Variants in TSPAN18 observed in about 807,000 individuals in gnomAD.
TSPAN18 encodes tetraspanin 18.
A neutral mutation model predicts 27.3 loss-of-function variants in TSPAN18; 14 were observed. The observed-to-expected ratio is 0.51, with a 90% CI of 0.34 to 0.80. The LOEUF (loss-of-function observed/expected upper bound fraction) is 0.80, where lower values mean the gene tolerates loss of function less well. TSPAN18 is among the 30% of genes least tolerant of loss of function. The pLI, the probability that TSPAN18 is intolerant of heterozygous loss-of-function variation, is 0.01. For missense variants in TSPAN18, 268 were observed against 323.9 expected, an observed-to-expected ratio of 0.83 and a Z score of 1.32; for synonymous variants, 143 against 136.5, an observed-to-expected ratio of 1.05 and a Z score of -0.33.
At chr11:44,913,478 G>A (rs1207305362) in intron 5 of TSPAN18, among the ~76,000 whole-genome samples, 3 of 152,220 alleles carry the variant, frequency 2.0e-5, no homozygotes, top group Middle Eastern at 3.4e-3. Context: ...TTACCTTTGA[G>A]TATTTCAAGG....
At chr11:44,753,657 C>T (rs1441753373) in intron 1 of TSPAN18, among the ~76,000 whole-genome samples, 1 of 152,202 alleles carries the variant, frequency 6.6e-6, no homozygotes, top group Non-Finnish European at 1.5e-5. Context: ...CTGATCCCAT[C>T]GTCCCAAGCA....
chr11:44,814,227 G>T (rs2135105605), intron 2 of TSPAN18, among the ~76,000 whole-genome samples: 1 of 97,640 alleles, frequency 1.0e-5, no homozygotes, highest in Non-Finnish European at 2.3e-5. Context: ...TCTTCCTGTT[G>T]CAGAATAAGG....
chr11:44,797,371 G>A (rs982515009), intron 2 of TSPAN18, among the ~76,000 whole-genome samples: 1 of 152,184 alleles, frequency 6.6e-6, no homozygotes, highest in African/African-American at 2.4e-5. Context: ...AGGCTGAGAG[G>A]CCAGGTGAGT....
intron 2 of TSPAN18, among the ~76,000 whole-genome samples, chr11:44,817,134 A>G (rs1253348256): frequency 6.6e-6 from 1 of 152,204 alleles, no homozygotes. Flanking sequence ...TGAACACCAC[A>G]AGATCAGCAC....
chr11:44,919,128 C>G (rs768813622), intron 6 of TSPAN18, 86 bp from the exon 7 acceptor site: 10 of 1,114,382 alleles, frequency 9.0e-6, no homozygotes, highest in African/African-American at 4.6e-5. Context: ...TCCCCCAACT[C>G]CCAAGCAGGT....
chr11:44,807,684 T>C (rs187457384), intron 2 of TSPAN18, among the ~76,000 whole-genome samples: 5 of 152,106 alleles, frequency 3.3e-5, no homozygotes, highest in Admixed American at 6.6e-5. Flanking sequence ...GTTGAGTGGA[T>C]TAGAGACTTT....
intron 9 of TSPAN18, among the ~76,000 whole-genome samples, chr11:44,928,378 G>A (rs1450529258): frequency 6.6e-6 from 1 of 152,246 alleles, no homozygotes. Context: ...AGGCGAGCCT[G>A]CAGGGGTTGT....
intron 8 of TSPAN18, among the ~76,000 whole-genome samples, chr11:44,923,247 G>A (rs1860212366): frequency 6.6e-6 from 1 of 152,188 alleles, no homozygotes; most frequent in Non-Finnish European, 1.5e-5. Flanking sequence ...ACCCATTGTG[G>A]TGGCAACCAG....
At chr11:44,739,769 C>A (rs991951172) in intron 1 of TSPAN18, among the ~76,000 whole-genome samples, 3 of 146,508 alleles carry the variant, frequency 2.0e-5, no homozygotes, top group Non-Finnish European at 4.4e-5. Flanking sequence ...TCTCTGGGCC[C>A]AGAGACAGCC....
At chr11:44,903,818 A>G (rs1255401802) in intron 3 of TSPAN18, 1 of 456,638 alleles carries the variant, frequency 2.2e-6, no homozygotes, top group Admixed American at 2.3e-5. Flanking sequence ...CTGGGTTCCA[A>G]TCTTGGCTTC....
At chr11:44,805,676 T>TA (rs1435352214) in intron 2 of TSPAN18, among the ~76,000 whole-genome samples, 84 of 152,282 alleles carry the variant, frequency 5.5e-4, no homozygotes, top group African/African-American at 2.0e-3. Context: ...AAACAAAAGA[T>TA]GTAATCTCTC....
chr11:44,915,963 G>T (rs2863133), intron 5 of TSPAN18, among the ~76,000 whole-genome samples: 84,416 of 151,922 alleles, frequency 0.56, 23,887 homozygotes, highest in East Asian at 0.79. Context: ...GCATCTGAGG[G>T]CTGAAGCAGA....
At chr11:44,903,772 A>G (rs1355079648) in intron 3 of TSPAN18, 3 of 455,016 alleles carry the variant, frequency 6.6e-6, no homozygotes, top group Admixed American at 2.4e-5. Flanking sequence ...ACCCCATCAC[A>G]CACACACCAT....
chr11:44,749,826 C>T (rs958883205), intron 1 of TSPAN18, among the ~76,000 whole-genome samples: 3 of 151,976 alleles, frequency 2.0e-5, no homozygotes, highest in African/African-American at 4.8e-5. Context: ...TTAGTAGAGA[C>T]GGGGTTTCAC....
At chr11:44,859,702 G>A (rs1034342342) in intron 2 of TSPAN18, 2 of 152,310 alleles carry the variant, frequency 1.3e-5, no homozygotes, top group Non-Finnish European at 2.9e-5. Context: ...CTCCTGCTAT[G>A]CTCCTGGGGC....
chr11:44,727,654 C>T (rs1008088866), intron 1 of TSPAN18, among the ~76,000 whole-genome samples: 45 of 152,222 alleles, frequency 3.0e-4, no homozygotes, highest in South Asian at 1.0e-3. Context: ...GGGCTGCGCC[C>T]GGAAAGGGGC....
chr11:44,741,890 C>A (rs2134825640), intron 1 of TSPAN18, among the ~76,000 whole-genome samples: 1 of 152,276 alleles, frequency 6.6e-6, no homozygotes, highest in South Asian at 2.1e-4. Flanking sequence ...CCTCTGCACC[C>A]TTCTCCTTCC....
intron 2 of TSPAN18, among the ~76,000 whole-genome samples, chr11:44,806,734 T>A (rs1042317337): frequency 2.0e-4 from 31 of 152,210 alleles, no homozygotes; most frequent in African/African-American, 7.5e-4. Flanking sequence ...AGAGACTCTC[T>A]CCAACAATTG....
intron 3 of TSPAN18, among the ~76,000 whole-genome samples, chr11:44,889,419 A>G (rs1347456745): frequency 1.3e-5 from 2 of 152,228 alleles, no homozygotes; most frequent in African/African-American, 2.4e-5. Context: ...GTAAGCAGAA[A>G]AGGCCATGGC....
Sources: gnomAD v4.1 joint callset for allele counts (sites outside exome capture counted in the v4.1 genomes callset) on GRCh38, gnomAD v4.1.1 for gene constraint, MANE v1.5 for transcripts, NCBI Gene and HGNC (gene_info 2026-07-23, HGNC 2026-07-21) for gene names.